The following DYSF variants were observed in gnomAD, a reference collection of about 807,000 sequenced individuals.
DYSF encodes the protein dystrophy-associated fer-1-like 1.
Under a neutral mutation model 274.9 loss-of-function variants are expected in DYSF, and 212 were observed. That is an observed-to-expected ratio of 0.77 (90% confidence interval 0.69 to 0.86). The LOEUF is 0.86. Ranked by LOEUF, DYSF falls within the 40% of genes least tolerant of loss-of-function variation. The probability of loss-of-function intolerance (pLI) is 0.00; values close to 1 mark genes in which losing one functional copy is unlikely to be tolerated. For missense variants in DYSF, 2,666 were observed against 2,783.2 expected (o/e 0.96, Z 0.95); for synonymous variants, 1,091 against 1,078.7 (o/e 1.01, Z -0.22).
At chr2:71,454,171 GA>G (rs2080954508) in intron 1 of DYSF, 1 of 1,339,678 alleles carries the variant, frequency 7.5e-7, no homozygotes. Context: ...AGAGCACCTA[GA>G]GCTGAGAGAC....
chr2:71,520,277 G>GA, intron 11 of DYSF, 69 bp downstream of exon 11: 2 of 1,524,704 alleles, frequency 1.3e-6, no homozygotes, highest in Non-Finnish European at 1.8e-6. Context: ...ACACTCATTT[G>GA]GGGTCCTCAC....
chr2:71,570,552 A>T, intron 28 of DYSF, 47 bp from the exon 29 acceptor site: 1 of 1,608,350 alleles, frequency 6.2e-7, no homozygotes, highest in Non-Finnish European at 8.5e-7. Context: ...CCCAGGAGAG[A>T]TGGGGGGAAC....
intron 28 of DYSF, 118 bp downstream of exon 28, chr2:71,570,452 G>A (rs2092352335): frequency 7.1e-7 from 1 of 1,418,102 alleles, no homozygotes; most frequent in African/African-American, 1.4e-5. Flanking sequence ...GACGCTTCTT[G>A]AAGGCACCCC....
At chr2:71,611,100 C>T (rs926315657) in intron 36 of DYSF, 145 bp from the exon 37 acceptor site, 3 of 729,792 alleles carry the variant, frequency 4.1e-6, no homozygotes, top group Admixed American at 2.0e-5. Flanking sequence ...TCGTTTCTGC[C>T]TCCCTGTTTG....
chr2:71,478,730 C>T (rs1054802594), intron 1 of DYSF, among the ~76,000 whole-genome samples: 6 of 152,132 alleles, frequency 3.9e-5, no homozygotes, highest in African/African-American at 9.7e-5. Flanking sequence ...CTCACTACAA[C>T]GAGCAAATAT....
chr2:71,549,403 T>G, intron 17 of DYSF: 1 of 1,611,152 alleles, frequency 6.2e-7, no homozygotes, highest in Non-Finnish European at 8.5e-7. Flanking sequence ...TACGTTGCTG[T>G]CACCTTGGGG....
intron 40 of DYSF, among the ~76,000 whole-genome samples, chr2:71,618,672 G>T (rs1331221730): frequency 8.7e-6 from 1 of 115,454 alleles, no homozygotes; most frequent in East Asian, 2.8e-4. Context: ...GTGTGTGTGT[G>T]GTAGAGGGAT....
rs192462247 is a variant in DYSF, at chr2:71,551,749, G to A, written c.1806+29G>A. The A allele has an allele frequency of 3.6e-4, 559 of 1,563,946 alleles. 4 individuals carry two copies. The Admixed American group carries it at 9.3e-3, about 26-fold the overall frequency. ...AGGGGTGTGGCTCTGGGTGGGAGCT[G>A]GGCGTCGGGGCAGGGAAGGGATGGC... is the stretch of plus-strand genomic sequence containing the variant. On this transcript the variant is annotated intron_variant, in intron 19 of 55. Coordinates refer to ENST00000410020, the MANE Select transcript of DYSF (RefSeq NM_001130987.2).
intron 17 of DYSF, among the ~76,000 whole-genome samples, chr2:71,545,395 C>T (rs115353048): frequency 1.6e-3 from 251 of 152,316 alleles, no homozygotes; most frequent in African/African-American, 5.8e-3. Context: ...GTCCCAGAAA[C>T]GACCTTCCTG....
chr2:71,602,892 G>T, intron 36 of DYSF, 87 bp downstream of exon 36: 2 of 1,515,914 alleles, frequency 1.3e-6, no homozygotes, highest in Non-Finnish European at 1.8e-6. Flanking sequence ...GAGCCTTCCA[G>T]GTTCCTGGTG....
chr2:71,466,906 G>A lies in DYSF; in HGVS notation c.64G>A (p.Asp22Asn). The part of the protein sequence containing the change: ...LPSAKKDRRS[D>N]PVASLTFRGV... Reference sequence around the variant, plus strand: ...CAGTGCGAAGAAGGACCGGCGCAGCGACCCTGTCGCAAGCCTGACTTTCCG... The same window carrying A: ...CAGTGCGAAGAAGGACCGGCGCAGCAACCCTGTCGCAAGCCTGACTTTCCG... The change falls in exon 1 of 56, where the codon GAC (aspartate) becomes AAC (asparagine). Residue 22 changes from aspartate to asparagine, a missense_variant. Asp to Asn is a conservative substitution (Grantham distance 23, BLOSUM62 1). Coordinates refer to ENST00000410020, the MANE Select transcript of DYSF (RefSeq NM_001130987.2). The A allele has an allele frequency of 6.5e-7, 1 of 1,550,116 alleles. No individual in the cohort carries two copies. The highest frequency in any genetic ancestry group is 8.7e-7 in the Non-Finnish European group (1 of 1,145,932).
chr2:71,572,139 GCACACCCACAGAT>G (rs1179217265), intron 29 of DYSF, among the ~76,000 whole-genome samples: 1 of 127,394 alleles, frequency 7.8e-6, no homozygotes, highest in Non-Finnish European at 1.6e-5. Flanking sequence ...ATCACACCCA[GCACACCCACAGAT>G]CACACCCAGC....
At chr2:71,544,225 CAAGATCTGTTCAGTGTTGGT>C (rs2090272613) in intron 17 of DYSF, among the ~76,000 whole-genome samples, 1 of 152,152 alleles carries the variant, frequency 6.6e-6, no homozygotes, top group Admixed American at 6.5e-5. Flanking sequence ...CACTCTCCCA[CAAGATCTGTTCAGTGTTGGT>C]ATCTCTCACA....
In DYSF at chr2:71,568,216, A is replaced by G; in HGVS notation, c.2742A>G (p.Thr914=). 1 of 1,614,218 alleles carries G rather than the reference A, an allele frequency of 6.2e-7. No homozygotes were observed. The highest frequency in any genetic ancestry group is 8.5e-7 in the Non-Finnish European group (1 of 1,180,044). Residue 914 remains threonine (T), a synonymous_variant, in exon 26 of 56, where the codon ACA becomes ACG. Transcript: ENST00000410020. The part of the protein sequence containing the change: ...TKLALVGNWG[T]TGLTYPKFSD... ...TGGCCCTTGTTGGGAACTGGGGCAC[A>G]ACGGGCCTCACCTACCCCAAGTTTT...
intron 41 of DYSF, among the ~76,000 whole-genome samples, chr2:71,633,431 A>G (rs758530019): frequency 6.6e-6 from 1 of 152,200 alleles, no homozygotes; most frequent in Non-Finnish European, 1.5e-5. Context: ...ATGTAGAGCT[A>G]TGGGGTAGCA....
At chr2:71,636,998 G>C (rs1337870300) in intron 41 of DYSF, among the ~76,000 whole-genome samples, 3 of 152,206 alleles carry the variant, frequency 2.0e-5, no homozygotes, top group Non-Finnish European at 4.4e-5. Flanking sequence ...TGAGTCATTG[G>C]TGACCTTGAC....
At chr2:71,454,216 A>G in intron 1 of DYSF, 1 of 919,152 alleles carries the variant, frequency 1.1e-6, no homozygotes. Context: ...ACTGACGTTG[A>G]GTGTTGCAAC....
At chr2:71,571,873 C>G (rs2092491951) in intron 29 of DYSF, among the ~76,000 whole-genome samples, 1 of 142,846 alleles carries the variant, frequency 7.0e-6, no homozygotes, top group African/African-American at 2.6e-5. Flanking sequence ...ACAGATCACA[C>G]CCAGCACACA....
At chr2:71,668,911 G>A (rs1573092881) in intron 49 of DYSF, 69 bp downstream of exon 49, 4 of 1,519,062 alleles carry the variant, frequency 2.6e-6, no homozygotes, top group East Asian at 2.4e-5. Context: ...CTGTGGGCGG[G>A]ACTAGGCGGT....
Sources: allele counts gnomAD v4.1 joint callset (sites outside exome capture counted in the v4.1 genomes callset), GRCh38; gene constraint gnomAD v4.1.1; transcripts MANE v1.5; gene names NCBI Gene and HGNC (gene_info 2026-07-23, HGNC 2026-07-21).